The following ZNF709 variants were observed in gnomAD, a reference collection of about 807,000 sequenced individuals.
The protein encoded by ZNF709 is zinc finger protein 709.
A neutral mutation model predicts 10.6 loss-of-function variants in ZNF709; 15 were observed. The ratio of observed to expected loss-of-function variants is 1.41; its 90% CI spans 0.95 to 2.18. The LOEUF (loss-of-function observed/expected upper bound fraction) is 2.18, where lower values mean the gene tolerates loss of function less well. ZNF709 is among the 30% of genes most tolerant of loss of function. ZNF709 has a pLI of 0.00. For synonymous variants in ZNF709, 194 were observed against 238.8 expected, an observed-to-expected ratio of 0.81 and a Z score of 1.73; for missense variants, 589 against 774.0, an observed-to-expected ratio of 0.76 and a Z score of 2.84.
At chr19:12,480,156 TA>T (rs74312590) in intron 1 of ZNF709, among the ~76,000 whole-genome samples, 16 of 147,774 alleles carry the variant, frequency 1.1e-4, no homozygotes, top group South Asian at 8.6e-4. Flanking sequence ...CCCTGTTTTT[TA>T]AAAAAAAAAC....
At chr19:12,483,792 A>C (rs1490217928) in intron 1 of ZNF709, among the ~76,000 whole-genome samples, 1 of 152,094 alleles carries the variant, frequency 6.6e-6, no homozygotes, top group African/African-American at 2.4e-5. Context: ...TTTTTTGAGA[A>C]TCAATTAAGT....
intron 1 of ZNF709, among the ~76,000 whole-genome samples, chr19:12,480,500 G>A (rs1442525478): frequency 6.6e-6 from 1 of 152,022 alleles, no homozygotes; most frequent in Non-Finnish European, 1.5e-5. Flanking sequence ...TCGCTAACAC[G>A]GTGAAACCCC....
intron 1 of ZNF709, among the ~76,000 whole-genome samples, chr19:12,481,800 G>A (rs1970729351): frequency 6.6e-6 from 1 of 151,652 alleles, no homozygotes; most frequent in African/African-American, 2.4e-5. Flanking sequence ...CTAGGTACTT[G>A]GGAAGCTGAG....
chr19:12,476,084 G>T (rs1217711786), intron 1 of ZNF709, among the ~76,000 whole-genome samples: 1 of 152,096 alleles, frequency 6.6e-6, no homozygotes. Flanking sequence ...GCTCAAAATG[G>T]ATCACAGAAC....
rs1160704845 is a variant in ZNF709, at chr19:12,465,575, G to A, written c.347C>T (p.Ser116Phe). 1 of 1,613,832 alleles carries A rather than the reference G, an allele frequency of 6.2e-7. No individual in the cohort carries two copies. Reference protein sequence around the residue: ...VCGKDYMCHSSLNRHMRSHTE... With the variant: ...VCGKDYMCHSFLNRHMRSHTE... Reference sequence around the variant, plus strand: ...ATGAGATCTCATGTGCCTATTAAGAGATGAATGACACATATAGTCCTTTCC... The same window carrying A: ...ATGAGATCTCATGTGCCTATTAAGAAATGAATGACACATATAGTCCTTTCC... The change falls in exon 4 of 4, where the codon TCT (serine) becomes TTT (phenylalanine). Residue 116 changes from serine to phenylalanine, a missense_variant. Coordinates refer to ENST00000397732, the MANE Select transcript of ZNF709 (RefSeq NM_152601.4).
rs1413819940 is a variant in ZNF709 at position 12,464,127 on chromosome 19, A to C, written c.1795T>G (p.Cys599Gly). ...TCATGGATTCGAAAGGAACGTGAGC[A>C]ACTGAAGGCTTTGTCACATTGTTTA... ...ECKQCDKAFSCSRSFRIHERT... is the reference protein window; with the variant it reads ...ECKQCDKAFSGSRSFRIHERT... Residue 599 changes from cysteine to glycine, a missense_variant, in exon 4 of 4, where the codon TGC becomes GGC. Coordinates refer to ENST00000397732, the MANE Select transcript of ZNF709 (RefSeq NM_152601.4). 1.9e-6 allele frequency: 3 copies of C among 1,565,924 alleles called. No homozygotes were observed. The highest frequency in any genetic ancestry group is 1.7e-6 in the Non-Finnish European group (2 of 1,161,430).
chr19:12,478,759 G>T (rs1203737293), intron 1 of ZNF709, among the ~76,000 whole-genome samples: 1 of 152,180 alleles, frequency 6.6e-6, no homozygotes. Flanking sequence ...TAGTTTGGGG[G>T]TGGGGCTACA....
chr19:12,464,294 C>G lies in ZNF709; in HGVS notation c.1628G>C (p.Cys543Ser), dbSNP rs1422990131. 2 of 1,605,284 alleles carry G rather than the reference C, an allele frequency of 1.2e-6. No individual in the cohort carries two copies. Among genetic ancestry groups the G allele is most frequent in the African/African-American group, 2.7e-5 (2 of 74,576 alleles). Residue 543 changes from cysteine to serine, a missense_variant, in exon 4 of 4, where the codon TGT (cysteine) becomes TCT (serine). By Grantham distance (112) the Cys-to-Ser change is moderately radical. This residue lies in a region of ZNF709 where 171 missense variants were observed against 277.7 expected (regional missense o/e 0.62). Coordinates refer to ENST00000397732, the MANE Select transcript of ZNF709 (RefSeq NM_152601.4). ...TTCATGTATTCGAATGGAACTGGAA[C>G]AACTAAACGCCTTACCACACTGTTT... Reference protein sequence around the residue: ...ECKQCGKAFSCSSSIRIHERT... With the variant: ...ECKQCGKAFSSSSSIRIHERT...
Position 12,472,230 on chromosome 19 carries a change from C to T in ZNF709, c.4-5380G>A, listed in dbSNP as rs371197692. ...AAAAAGTGAACACATGATTTAAAAA[C>T]GGAAACACAGGCCAGGCACGGTGGC... On this transcript the variant is annotated intron_variant, in intron 1 of 3. Coordinates refer to ENST00000397732, the MANE Select transcript of ZNF709 (RefSeq NM_152601.4). Among the ~76,000 whole-genome samples the T allele has an allele frequency of 5.3e-5, 8 of 152,118 alleles. No homozygotes were observed. The South Asian group carries it at 1.0e-3, about 20-fold the overall frequency.
intron 1 of ZNF709, among the ~76,000 whole-genome samples, chr19:12,469,282 T>C (rs1011118128): frequency 4.6e-5 from 7 of 152,188 alleles, no homozygotes; most frequent in African/African-American, 1.4e-4. Flanking sequence ...CTGCAGACCA[T>C]TAGAATTAGT....
intron 3 of ZNF709, among the ~76,000 whole-genome samples, chr19:12,466,008 T>C (rs1239794183): frequency 6.6e-6 from 1 of 151,890 alleles, no homozygotes; most frequent in Non-Finnish European, 1.5e-5. Flanking sequence ...TGGCACAATC[T>C]TGGCTCACTG....
chr19:12,472,459 T>C (rs1970641299), intron 1 of ZNF709, among the ~76,000 whole-genome samples: 1 of 146,452 alleles, frequency 6.8e-6, no homozygotes, highest in Non-Finnish European at 1.5e-5. Flanking sequence ...GAGGTGGAGG[T>C]TGCAGCGAGC....
rs193171098 is a variant in ZNF709, at chr19:12,473,395, A to G, written c.4-6545T>C. 2.0e-5 allele frequency among the ~76,000 whole-genome samples: 3 copies of G among 152,328 alleles called. No individual in the cohort carries two copies. In the East Asian group the frequency reaches 5.8e-4, roughly 29 times the overall value. On this transcript the variant is annotated intron_variant, in intron 1 of 3. Transcript: ENST00000397732. ...AGGCTCAACTAAAAGAACATCACAT[A>G]GTGAAATGGAAGATAAAGGTATAAA...
In ZNF709 at chr19:12,464,369, G is replaced by C. The variant is rs762863425; in HGVS notation, c.1553C>G (p.Ser518Cys). 4.2e-5 allele frequency: 67 copies of C among 1,612,628 alleles called. No individual in the cohort carries two copies. Among genetic ancestry groups the C allele is most frequent in the Non-Finnish European group, 5.1e-6 (6 of 1,179,326 alleles). ...GTGAGTCCTTTCATGCATTCGAAAG[G>C]AACTGGAACAACTGAAGGCTTTACC... ...QCGKAFSCSS[S>C]FRMHERTHTG... The change falls in exon 4 of 4, where the codon TCC (serine) becomes TGC (cysteine). Residue 518 changes from serine (S) to cysteine (C), a missense_variant. By Grantham distance (112) the Ser-to-Cys change is moderately radical (BLOSUM62 -1). Coordinates refer to ENST00000397732, the MANE Select transcript of ZNF709 (RefSeq NM_152601.4).
rs1479510179 is a variant in ZNF709 at position 12,465,055 on chromosome 19, A to G, written c.867T>C (p.Leu289=). 5.0e-6 allele frequency: 8 copies of G among 1,612,888 alleles called. No individual in the cohort carries two copies. Among genetic ancestry groups the G allele is most frequent in the Non-Finnish European group, 6.8e-6 (8 of 1,179,604 alleles). Reference sequence around the variant, plus strand: ...GACTTCGAAAGGATGTGGGACAACTAAGAGCTTTACCACATTGCTTACACT... The same window carrying G: ...GACTTCGAAAGGATGTGGGACAACTGAGAGCTTTACCACATTGCTTACACT... ...PYQCKQCGKA[L]SCPTSFRSHE... is the part of the protein sequence containing the mutation. Residue 289 remains leucine (L), a synonymous_variant, in exon 4 of 4, where the codon CTT becomes CTC. Coordinates refer to ENST00000397732, the MANE Select transcript of ZNF709 (RefSeq NM_152601.4).
At chr19:12,470,147 C>T (rs1970622462) in intron 1 of ZNF709, among the ~76,000 whole-genome samples, 2 of 152,120 alleles carry the variant, frequency 1.3e-5, no homozygotes, top group African/African-American at 2.4e-5. Context: ...CCGTGAGGTA[C>T]GTGGTGGCAT....
At position 12,463,082 on chromosome 19, in the gene ZNF709, C is replaced by A. The variant is rs935314515; in HGVS notation, c.*914G>T. The A allele has an allele frequency of 6.6e-6, 1 of 152,214 alleles. No homozygotes were observed. The allele number at this position is 152,214 out of a possible 1,614,324, so 9.4% of individuals were successfully genotyped here. A position where few individuals can be genotyped will look rare whatever the true frequency, so the allele number is the denominator to read the frequency against. ...TATACATGAATTAATTTGCATCAGGCTTTCCCATATTATCTACATTTATAC... is the reference window on the plus strand; with the variant it reads ...TATACATGAATTAATTTGCATCAGGATTTCCCATATTATCTACATTTATAC... On this transcript the variant is annotated 3_prime_UTR_variant, in exon 4 of 4. Transcript: ENST00000397732.
intron 1 of ZNF709, among the ~76,000 whole-genome samples, chr19:12,480,438 C>T (rs1970714810): frequency 6.6e-6 from 1 of 152,198 alleles, no homozygotes; most frequent in South Asian, 2.1e-4. Context: ...AATCCCAGCA[C>T]TTTGGGAGGC....
At chr19:12,482,447 C>A (rs149885928) in intron 1 of ZNF709, among the ~76,000 whole-genome samples, 9 of 152,214 alleles carry the variant, frequency 5.9e-5, no homozygotes, top group African/African-American at 2.2e-4. Context: ...ACAGGGAAAT[C>A]GCCCCTTCAA....
Sources: gnomAD v4.1 joint callset for allele counts (sites outside exome capture counted in the v4.1 genomes callset) on GRCh38, gnomAD v4.1.1 for gene constraint, gnomAD v4.1.1 regional missense constraint, MANE v1.5 for transcripts, NCBI Gene and HGNC (gene_info 2026-07-23, HGNC 2026-07-21) for gene names.